Variants in XPO7 observed in about 807,000 individuals in gnomAD.
The protein encoded by XPO7 is exportin-7.
In XPO7, 21 loss-of-function variants were observed where a neutral mutation model predicts 144.3. The ratio of observed to expected loss-of-function variants is 0.15; its 90% CI spans 0.10 to 0.21. XPO7 has a LOEUF of 0.21. XPO7 is among the 10% of genes least tolerant of loss of function. The pLI is 1.00. For missense variants in XPO7, 808 were observed against 1,325.8 expected (o/e 0.61, Z 6.06); for synonymous variants, 580 against 499.6 (o/e 1.16, Z -2.15).
At chr8:21,970,064 C>A in intron 3 of XPO7, 80 bp from the exon 4 acceptor site, 1 of 1,455,150 alleles carries the variant, frequency 6.9e-7, no homozygotes, top group Non-Finnish European at 9.2e-7. Context: ...GGCCATTTAG[C>A]ATGTCTAAAG....
chr8:21,927,123 C>G (rs1340377059), intron 1 of XPO7, among the ~76,000 whole-genome samples: 1 of 152,036 alleles, frequency 6.6e-6, no homozygotes, highest in African/African-American at 2.4e-5. Context: ...GGCACACATG[C>G]TTGTAGTCCC....
chr8:21,930,179 C>G (rs961328009), intron 1 of XPO7, among the ~76,000 whole-genome samples: 10 of 151,986 alleles, frequency 6.6e-5, no homozygotes, highest in Admixed American at 4.6e-4. Context: ...TTATGTACAC[C>G]CTAAATGTTC....
At chr8:21,935,061 A>G (rs936855517) in intron 1 of XPO7, among the ~76,000 whole-genome samples, 4 of 152,132 alleles carry the variant, frequency 2.6e-5, no homozygotes, top group Non-Finnish European at 5.9e-5. Context: ...TTTGCATTGT[A>G]TGTAGGCATT....
chr8:21,966,554 T>G (rs1170893426), intron 1 of XPO7, among the ~76,000 whole-genome samples: 2 of 152,196 alleles, frequency 1.3e-5, no homozygotes, highest in Non-Finnish European at 2.9e-5. Context: ...TTTCAAAGCC[T>G]TTTAGGAAAG....
At chr8:21,968,092 C>A (rs1283608479) in intron 2 of XPO7, among the ~76,000 whole-genome samples, 1 of 152,044 alleles carries the variant, frequency 6.6e-6, no homozygotes, top group Non-Finnish European at 1.5e-5. Flanking sequence ...AGAGAAAACA[C>A]CAAGAAAAGG....
rs562492823 is a variant in XPO7, at chr8:21,984,695, T to C, written c.1327T>C (p.Leu443=). ...GGATACGGGGCTGGTCCAGCAGCAG[T>C]TGGACCAGCTGTCCACCATTGGGCG... ...LEDTGLVQQQ[L]DQLSTIGRCE... is the part of the protein sequence containing the mutation. The change falls in exon 12 of 28, where the codon TTG becomes CTG. Residue 443 remains leucine (L), a synonymous_variant. Coordinates refer to ENST00000252512, the MANE Select transcript of XPO7 (RefSeq NM_015024.5). 87 of 1,613,930 alleles carry C rather than the reference T, an allele frequency of 5.4e-5. 1 individual carries two copies. In the South Asian group the frequency reaches 9.4e-4, roughly 18 times the overall value.
chr8:22,001,695 T>C lies in XPO7; in HGVS notation c.2783-417T>C, dbSNP rs149749448. Among the ~76,000 whole-genome samples the C allele has an allele frequency of 5.2e-3, 799 of 152,322 alleles. 6 individuals are homozygous for C. Among genetic ancestry groups the C allele is most frequent in the African/African-American group, 0.018 (756 of 41,552 alleles). On this transcript the variant is annotated intron_variant, in intron 24 of 27. Transcript: ENST00000252512. ...TACTAGCAGTTGATCCTTAGGCCGATACATAACCTCTCCTAATTCTGGTTT... is the reference window on the plus strand; with the variant it reads ...TACTAGCAGTTGATCCTTAGGCCGACACATAACCTCTCCTAATTCTGGTTT...
chr8:21,982,624 T>C lies in XPO7; in HGVS notation c.1105-16T>C. The C allele has an allele frequency of 6.4e-7, 1 of 1,565,016 alleles. No homozygotes were observed. Among genetic ancestry groups the C allele is most frequent in the Non-Finnish European group, 8.6e-7 (1 of 1,157,522 alleles). ...GAAATGAAAAATATGCCTTCTGCTTTTCTACTTTTCTTTAGCACTGGGAAT... is the reference window on the plus strand; with the variant it reads ...GAAATGAAAAATATGCCTTCTGCTTCTCTACTTTTCTTTAGCACTGGGAAT... On this transcript the variant is annotated splice_polypyrimidine_tract_variant and intron_variant, in intron 10 of 27. Transcript: ENST00000252512.
At position 21,984,694 on chromosome 8, in the gene XPO7, G is replaced by A. The variant is rs775414380; in HGVS notation, c.1326G>A (p.Gln442=). The change falls in exon 12 of 28, where the codon CAG becomes CAA. Residue 442 remains glutamine (Q), a synonymous_variant. Coordinates refer to ENST00000252512, the MANE Select transcript of XPO7 (RefSeq NM_015024.5). ...PLEDTGLVQQ[Q]LDQLSTIGRC... is the part of the protein sequence containing the mutation. The stretch of plus-strand genomic sequence containing the variant: ...AGGATACGGGGCTGGTCCAGCAGCA[G>A]TTGGACCAGCTGTCCACCATTGGGC... The A allele has an allele frequency of 1.5e-5, 25 of 1,613,838 alleles. No homozygotes were observed. The highest frequency in any genetic ancestry group is 2.1e-5 in the Non-Finnish European group (25 of 1,179,882).
In XPO7 at chr8:21,985,652, C is replaced by T; in HGVS notation, c.1538C>T (p.Thr513Ile). 6.2e-7 allele frequency: 1 copy of T among 1,613,810 alleles called. No individual in the cohort carries two copies. Among genetic ancestry groups the T allele is most frequent in the Non-Finnish European group, 8.5e-7 (1 of 1,179,884 alleles). Residue 513 changes from threonine to isoleucine, a missense_variant, in exon 13 of 28, where the codon ACT becomes ATT. Thr to Ile is a moderately conservative substitution (Grantham distance 89). This residue lies in a region of XPO7 where 416 missense variants were observed against 612.5 expected (regional missense o/e 0.68). Coordinates refer to ENST00000252512, the MANE Select transcript of XPO7 (RefSeq NM_015024.5). ...GGTGGCCGGGTTTCTTTTGCCAGCA[C>T]TGATGAGCAAGACGCCATGGATGGT... The part of the protein sequence containing the change: ...VIGGRVSFAS[T>I]DEQDAMDGEL...
At chr8:21,984,552 T>C (rs13248727) in intron 11 of XPO7, 94 bp from the exon 12 acceptor site, 480,573 of 1,173,286 alleles carry the variant, frequency 0.41, 101,919 homozygotes, top group Non-Finnish European at 0.44. Context: ...CAGTCAGAAA[T>C]GGTGGCTAAG....
intron 1 of XPO7, among the ~76,000 whole-genome samples, chr8:21,937,151 G>C (rs1489305966): frequency 6.6e-6 from 1 of 152,220 alleles, no homozygotes; most frequent in Non-Finnish European, 1.5e-5. Context: ...TGGCTAGAAA[G>C]TGTTTAGATT....
intron 1 of XPO7, among the ~76,000 whole-genome samples, chr8:21,959,686 C>T (rs1811658079): frequency 6.6e-6 from 1 of 152,080 alleles, no homozygotes; most frequent in African/African-American, 2.4e-5. Flanking sequence ...ATCATTTTAA[C>T]TTCAATATTT....
chr8:21,990,624 A>G (rs758597139), intron 17 of XPO7, 187 bp from the exon 18 acceptor site: 4 of 704,182 alleles, frequency 5.7e-6, no homozygotes, highest in Non-Finnish European at 7.0e-6. Flanking sequence ...ACTGCTACTC[A>G]TACTGCAGAT....
intron 1 of XPO7, among the ~76,000 whole-genome samples, chr8:21,945,497 A>G (rs11135743): frequency 0.58 from 87,972 of 152,072 alleles, 26,165 homozygotes; most frequent in African/African-American, 0.73. Flanking sequence ...GGTGTAAAAC[A>G]GGAAAGATAC....
At chr8:21,967,666 C>G (rs535038794) in intron 2 of XPO7, among the ~76,000 whole-genome samples, 32 of 152,226 alleles carry the variant, frequency 2.1e-4, no homozygotes, top group African/African-American at 7.2e-4. Flanking sequence ...AGTCCTAGTA[C>G]AAGATCCTCA....
intron 12 of XPO7, 27 bp downstream of exon 12, chr8:21,984,866 T>C: frequency 1.2e-6 from 2 of 1,610,346 alleles, no homozygotes; most frequent in Non-Finnish European, 1.7e-6. Flanking sequence ...CTGGGAACTC[T>C]AGACCTGTGA....
chr8:21,987,392 G>A (rs796086813), intron 14 of XPO7, 116 bp downstream of exon 14: 1 of 1,402,928 alleles, frequency 7.1e-7, no homozygotes, highest in Non-Finnish European at 9.6e-7. Flanking sequence ...TAATAGGACA[G>A]TCCAAATGTT....
chr8:22,001,441 T>A (rs1813143539), intron 24 of XPO7, among the ~76,000 whole-genome samples: 1 of 152,232 alleles, frequency 6.6e-6, no homozygotes, highest in Non-Finnish European at 1.5e-5. Flanking sequence ...TCATCAGAGT[T>A]CTGTCCACAG....
Sources: allele counts gnomAD v4.1 joint callset (sites outside exome capture counted in the v4.1 genomes callset), GRCh38; gene constraint gnomAD v4.1.1; regional missense constraint gnomAD v4.1.1; transcripts MANE v1.5; gene names NCBI Gene and HGNC (gene_info 2026-07-23, HGNC 2026-07-21).